CHST9: variants seen among roughly 807,000 people sequenced by gnomAD.
CHST9 encodes the protein carbohydrate sulfotransferase 9, also known as GalNAc-4-sulfotransferase 2.
In CHST9, 41 loss-of-function variants were observed where a neutral mutation model predicts 44.4. The ratio of observed to expected loss-of-function variants is 0.92; its 90% CI spans 0.72 to 1.20. The LOEUF (loss-of-function observed/expected upper bound fraction) is 1.20. CHST9 is among the 50% of genes most tolerant of loss of function. The pLI is 0.00. For synonymous variants in CHST9, 171 were observed against 178.4 expected, an observed-to-expected ratio of 0.96 and a Z score of 0.33; for missense variants, 504 against 516.5, an observed-to-expected ratio of 0.98 and a Z score of 0.23.
chr18:27,005,341 A>G (rs945806283), intron 4 of CHST9, among the ~76,000 whole-genome samples: 1 of 152,200 alleles, frequency 6.6e-6, no homozygotes, highest in African/African-American at 2.4e-5. Context: ...GCTCAGCCCA[A>G]TAATTTATAG....
At chr18:27,020,700 G>C (rs935500278) in intron 4 of CHST9, among the ~76,000 whole-genome samples, 1 of 152,160 alleles carries the variant, frequency 6.6e-6, no homozygotes, top group Non-Finnish European at 1.5e-5. Flanking sequence ...ATTAAAATAG[G>C]AGTCAATAAC....
At chr18:27,066,693 G>A (rs1452722113) in intron 2 of CHST9, among the ~76,000 whole-genome samples, 1 of 152,106 alleles carries the variant, frequency 6.6e-6, no homozygotes. Context: ...GCCTTAACTA[G>A]TTGGTGATAT....
chr18:27,040,632 A>G (rs770464487), intron 3 of CHST9, among the ~76,000 whole-genome samples: 15 of 152,088 alleles, frequency 9.9e-5, no homozygotes, highest in Non-Finnish European at 2.1e-4. Flanking sequence ...TGTCCTACGA[A>G]TGCTCTTATC....
intron 3 of CHST9, among the ~76,000 whole-genome samples, chr18:27,047,652 A>G (rs1278946910): frequency 1.6e-5 from 2 of 128,688 alleles, no homozygotes; most frequent in African/African-American, 5.2e-5. Flanking sequence ...ACCAGACAGG[A>G]AATGAAGCTA....
At chr18:27,036,332 G>A (rs2057390270) in intron 3 of CHST9, among the ~76,000 whole-genome samples, 1 of 152,128 alleles carries the variant, frequency 6.6e-6, no homozygotes, top group Non-Finnish European at 1.5e-5. Context: ...ATTAAAAAAA[G>A]AAACAAATAT....
chr18:26,986,278 G>A (rs1227149868), intron 4 of CHST9, among the ~76,000 whole-genome samples: 1 of 152,046 alleles, frequency 6.6e-6, no homozygotes, highest in Admixed American at 6.6e-5. Context: ...AAATTAAACT[G>A]TTAGAGATAA....
chr18:26,959,985 C>A (rs1457016178), intron 4 of CHST9, among the ~76,000 whole-genome samples: 1 of 152,018 alleles, frequency 6.6e-6, no homozygotes, highest in Non-Finnish European at 1.5e-5. Context: ...AAAAGAGGAG[C>A]AAGATTTTAA....
At chr18:27,050,801 T>C (rs2057557220) in intron 2 of CHST9, among the ~76,000 whole-genome samples, 1 of 152,228 alleles carries the variant, frequency 6.6e-6, no homozygotes, top group South Asian at 2.1e-4. Context: ...TATTCACTTA[T>C]GAATACTAGA....
intron 4 of CHST9, among the ~76,000 whole-genome samples, chr18:27,000,500 G>A (rs1038158247): frequency 6.6e-6 from 1 of 152,124 alleles, no homozygotes; most frequent in African/African-American, 2.4e-5. Context: ...AATTTGTCGG[G>A]CAAGTGATAT....
intron 3 of CHST9, 45 bp from the exon 4 acceptor site, chr18:27,024,202 A>G (rs1341057296): frequency 6.5e-7 from 1 of 1,534,378 alleles, no homozygotes; most frequent in Non-Finnish European, 8.9e-7. Context: ...CATCACATCC[A>G]AAGACATTTA....
chr18:26,934,845 G>A (rs2055958430), intron 5 of CHST9: 1 of 152,138 alleles, frequency 6.6e-6, no homozygotes, highest in Admixed American at 6.5e-5. Context: ...TTTCACTGAT[G>A]GTTGGCTGTT....
chr18:26,983,634 C>T (rs1318309092), intron 4 of CHST9, among the ~76,000 whole-genome samples: 1 of 152,130 alleles, frequency 6.6e-6, no homozygotes, highest in African/African-American at 2.4e-5. Flanking sequence ...TTCTTTATAG[C>T]AATGCAAGAA....
chr18:27,147,037 GT>G (rs2058617924), intron 1 of CHST9, among the ~76,000 whole-genome samples: 1 of 151,952 alleles, frequency 6.6e-6, no homozygotes, highest in Non-Finnish European at 1.5e-5. Context: ...TAAATTATGA[GT>G]TTCCCAGTTT....
Position 26,916,096 on chromosome 18 carries a change from A to G in CHST9, c.*163T>C. On this transcript the variant is annotated 3_prime_UTR_variant, in exon 6 of 6. Coordinates refer to ENST00000618847, the MANE Select transcript of CHST9 (RefSeq NM_031422.6). ...ATCTCCTGTAGGTGATTTTCCTATA[A>G]CTTTGTGCCAATTGGTGTCATACTA... The G allele has an allele frequency of 1.7e-6, 1 of 577,034 alleles. No homozygotes were observed. The highest frequency in any genetic ancestry group is 3.0e-6 in the Non-Finnish European group (1 of 333,620). 35.7% of individuals were successfully genotyped at this position (577,034 alleles called of 1,614,324 possible). A position where few individuals can be genotyped will look rare whatever the true frequency, so the allele number is the denominator to read the frequency against.
At chr18:27,158,241 C>T (rs1220565673) in intron 1 of CHST9, among the ~76,000 whole-genome samples, 3 of 152,052 alleles carry the variant, frequency 2.0e-5, no homozygotes, top group Admixed American at 2.0e-4. Flanking sequence ...TCTCCCAATG[C>T]TATCCCTCCC....
At chr18:27,090,561 A>G (rs2058058460) in intron 2 of CHST9, among the ~76,000 whole-genome samples, 1 of 152,162 alleles carries the variant, frequency 6.6e-6, no homozygotes, top group Non-Finnish European at 1.5e-5. Flanking sequence ...GTTTTCTTCT[A>G]GGGTTTTTAT....
At chr18:27,084,999 G>A (rs2057997906) in intron 2 of CHST9, among the ~76,000 whole-genome samples, 1 of 152,004 alleles carries the variant, frequency 6.6e-6, no homozygotes, top group Non-Finnish European at 1.5e-5. Flanking sequence ...TTGCACTGTG[G>A]TGTGAGAGTA....
At chr18:27,141,654 A>C (rs1311831271) in intron 2 of CHST9, among the ~76,000 whole-genome samples, 1 of 151,194 alleles carries the variant, frequency 6.6e-6, no homozygotes, top group Non-Finnish European at 1.5e-5. Flanking sequence ...TTAAAAATGG[A>C]AACAATTTTA....
intron 4 of CHST9, among the ~76,000 whole-genome samples, chr18:26,967,851 A>C (rs2056487111): frequency 6.6e-6 from 1 of 152,212 alleles, no homozygotes; most frequent in Admixed American, 6.5e-5. Context: ...CCAGAATAAA[A>C]GCAGGCAGAA....
Sources: gnomAD v4.1 joint callset for allele counts (sites outside exome capture counted in the v4.1 genomes callset) on GRCh38, gnomAD v4.1.1 for gene constraint, MANE v1.5 for transcripts, NCBI Gene and HGNC (gene_info 2026-07-23, HGNC 2026-07-21) for gene names.